The following RTN4RL1 variants were observed in gnomAD, a reference collection of about 807,000 sequenced individuals.
The protein encoded by RTN4RL1 is reticulon 4 receptor like 1.
Under a neutral mutation model 25.6 loss-of-function variants are expected in RTN4RL1, and 7 were observed. The observed-to-expected ratio is 0.27, with a 90% CI of 0.16 to 0.51. The LOEUF is 0.51. Ranked by LOEUF, RTN4RL1 falls within the 20% of genes least tolerant of loss-of-function variation. The pLI is 0.97. For missense variants in RTN4RL1, 500 were observed against 615.6 expected, an observed-to-expected ratio of 0.81 and a Z score of 1.99; for synonymous variants, 297 against 288.2, an observed-to-expected ratio of 1.03 and a Z score of -0.31.
chr17:1,938,192 T>C (rs376379338), intron 1 of RTN4RL1, among the ~76,000 whole-genome samples: 90 of 152,376 alleles, frequency 5.9e-4, no homozygotes, highest in African/African-American at 2.1e-3. Flanking sequence ...GCTGTGCCGC[T>C]GGTTGTTGTT....
chr17:2,001,751 C>G (rs1416715800), intron 1 of RTN4RL1, among the ~76,000 whole-genome samples: 1 of 152,328 alleles, frequency 6.6e-6, no homozygotes, highest in South Asian at 2.1e-4. Flanking sequence ...TCTCGAGCAG[C>G]CCCTCCTCAA....
intron 1 of RTN4RL1, among the ~76,000 whole-genome samples, chr17:1,946,107 G>C (rs1915533034): frequency 6.6e-6 from 1 of 152,232 alleles, no homozygotes; most frequent in Non-Finnish European, 1.5e-5. Flanking sequence ...GCCAGCCAGA[G>C]GCCCAGGGCA....
At position 1,936,771 on chromosome 17, in the gene RTN4RL1, T is replaced by C; in HGVS notation, c.1051A>G (p.Lys351Glu). 6.3e-7 allele frequency: 1 copy of C among 1,593,974 alleles called. No individual in the cohort carries two copies. Among genetic ancestry groups the C allele is most frequent in the Non-Finnish European group, 8.5e-7 (1 of 1,171,716 alleles). The change falls in exon 2 of 2, where the codon AAG becomes GAG. Residue 351 changes from lysine (K) to glutamate (E), a missense_variant. Lys to Glu is a moderately conservative substitution (Grantham distance 56). Coordinates refer to ENST00000331238, the MANE Select transcript of RTN4RL1 (RefSeq NM_178568.4). ...HPHGPRPGHR[K>E]PGKNCTNPRN... ...GGGTTGGTGCAGTTCTTCCCCGGCT[T>C]CCTGTGGCCGGGCCGGGGGCCGTGC...
At chr17:2,015,352 G>A (rs1251409972) in intron 1 of RTN4RL1, among the ~76,000 whole-genome samples, 1 of 152,198 alleles carries the variant, frequency 6.6e-6, no homozygotes, top group Non-Finnish European at 1.5e-5. Flanking sequence ...GGCACTGGGG[G>A]TCGGTGGGCA....
At chr17:2,008,440 C>T (rs1260009093) in intron 1 of RTN4RL1, among the ~76,000 whole-genome samples, 2 of 152,190 alleles carry the variant, frequency 1.3e-5, no homozygotes, top group African/African-American at 2.4e-5. Flanking sequence ...AGGAAGGAAG[C>T]GTAGCCGGAT....
At chr17:1,944,346 C>T (rs1915494620) in intron 1 of RTN4RL1, among the ~76,000 whole-genome samples, 1 of 152,196 alleles carries the variant, frequency 6.6e-6, no homozygotes, top group Non-Finnish European at 1.5e-5. Context: ...CTCCATCTGT[C>T]ACACGAAAGC....
At chr17:1,957,813 C>T (rs951410160) in intron 1 of RTN4RL1, among the ~76,000 whole-genome samples, 14 of 152,076 alleles carry the variant, frequency 9.2e-5, no homozygotes, top group Non-Finnish European at 1.5e-4. Flanking sequence ...CACTGCACTC[C>T]AGCCTGGGCA....
rs1201618461 is a variant in RTN4RL1 at position 1,936,124 on chromosome 17, C to A, written c.*372G>T. 1 of 1,053,678 alleles carries A rather than the reference C, an allele frequency of 9.5e-7. No individual in the cohort carries two copies. Among genetic ancestry groups the A allele is most frequent in the African/African-American group, 1.7e-5 (1 of 59,102 alleles). The allele number at this position is 1,053,678 out of a possible 1,614,324, so 65.3% of individuals were successfully genotyped here. ...TGCTTTCTCCAGGAACCACGGGGCC[C>A]TCCAGACCTCTCGGAACGATCGGGA... is the stretch of plus-strand genomic sequence containing the variant. On this transcript the variant is annotated 3_prime_UTR_variant, in exon 2 of 2. Transcript: ENST00000331238.
intron 1 of RTN4RL1, among the ~76,000 whole-genome samples, chr17:2,022,360 C>G (rs900051199): frequency 1.3e-5 from 2 of 152,058 alleles, no homozygotes; most frequent in Non-Finnish European, 2.9e-5. Context: ...CTCTGTTGCC[C>G]GAGCTGGCCT....
intron 1 of RTN4RL1, among the ~76,000 whole-genome samples, chr17:1,984,475 C>T (rs1160676482): frequency 1.3e-5 from 2 of 152,222 alleles, no homozygotes; most frequent in East Asian, 1.9e-4. Flanking sequence ...GCGACCCTCC[C>T]TCCTTAGCCT....
At chr17:2,008,188 G>T (rs1783598907) in intron 1 of RTN4RL1, among the ~76,000 whole-genome samples, 1 of 151,176 alleles carries the variant, frequency 6.6e-6, no homozygotes, top group African/African-American at 2.4e-5. Context: ...AGAATCACTT[G>T]AACCCGGGAG....
chr17:1,978,584 T>A (rs1201516683), intron 1 of RTN4RL1, among the ~76,000 whole-genome samples: 3 of 147,712 alleles, frequency 2.0e-5, no homozygotes, highest in Non-Finnish European at 4.5e-5. Context: ...CCGGTGACTG[T>A]GTGACCTTTA....
At chr17:1,950,437 A>G (rs181464786) in intron 1 of RTN4RL1, among the ~76,000 whole-genome samples, 1 of 152,308 alleles carries the variant, frequency 6.6e-6, no homozygotes, top group African/African-American at 2.4e-5. Flanking sequence ...CTGAGGATGC[A>G]TAACGTCCGA....
At chr17:1,958,610 G>A (rs146043192) in intron 1 of RTN4RL1, among the ~76,000 whole-genome samples, 240 of 152,344 alleles carry the variant, frequency 1.6e-3, no homozygotes, top group African/African-American at 5.7e-3. Flanking sequence ...GGGGCTGAAG[G>A]TCAGATTAAA....
rs371982308 is a variant in RTN4RL1 at position 1,956,192 on chromosome 17, T to G, written c.14-18384A>C. ...GTGTACTAAGGAAGCAGCAGGCAGC[T>G]CAGCAGGCAGAGGGGCCCCACCACC... On this transcript the variant is annotated intron_variant, in intron 1 of 1. Coordinates refer to ENST00000331238, the MANE Select transcript of RTN4RL1 (RefSeq NM_178568.4). 4.6e-5 allele frequency among the ~76,000 whole-genome samples: 7 copies of G among 152,264 alleles called. No individual in the cohort carries two copies. The South Asian group carries it at 8.3e-4, about 18-fold the overall frequency.
chr17:1,974,781 C>T (rs1459400643), intron 1 of RTN4RL1, among the ~76,000 whole-genome samples: 1 of 152,206 alleles, frequency 6.6e-6, no homozygotes, highest in Non-Finnish European at 1.5e-5. Context: ...CTCTCTCACT[C>T]TGCTCACCTG....
chr17:1,962,309 AAAG>A (rs1000743878), intron 1 of RTN4RL1, among the ~76,000 whole-genome samples: 3 of 151,876 alleles, frequency 2.0e-5, no homozygotes, highest in Non-Finnish European at 1.5e-5. Flanking sequence ...AGAAAAAAGA[AAAG>A]AAGTAAGAAA....
intron 1 of RTN4RL1, among the ~76,000 whole-genome samples, chr17:1,983,260 G>T (rs1293986171): frequency 1.3e-5 from 2 of 152,090 alleles, no homozygotes; most frequent in African/African-American, 2.4e-5. Flanking sequence ...TGTACAGTCT[G>T]ATCTTGAACC....
intron 1 of RTN4RL1, among the ~76,000 whole-genome samples, chr17:1,955,256 CAAAATA>C (rs774520962): frequency 6.6e-6 from 1 of 152,080 alleles, no homozygotes; most frequent in African/African-American, 2.4e-5. Context: ...TATTTACTTT[CAAAATA>C]ATACTTGCCA....
Sources: gnomAD v4.1 joint callset for allele counts (sites outside exome capture counted in the v4.1 genomes callset) on GRCh38, gnomAD v4.1.1 for gene constraint, MANE v1.5 for transcripts, NCBI Gene and HGNC (gene_info 2026-07-23, HGNC 2026-07-21) for gene names.